DNAJC6: variants seen among roughly 807,000 people sequenced by gnomAD.
DNAJC6 encodes the protein DnaJ heat shock protein family (Hsp40) member C6.
In DNAJC6, 34 loss-of-function variants were observed where a neutral mutation model predicts 110.0. The observed-to-expected ratio is 0.31, with a 90% CI of 0.24 to 0.41. DNAJC6 has a LOEUF of 0.41. Among genes scored for constraint, DNAJC6 ranks in the 10% least tolerant of loss-of-function variants. DNAJC6 has a pLI of 1.00. For missense variants in DNAJC6, 1,031 were observed against 1,207.8 expected, an observed-to-expected ratio of 0.85 and a Z score of 2.17; for synonymous variants, 406 against 437.2, an observed-to-expected ratio of 0.93 and a Z score of 0.89.
At chr1:65,412,606 A>G (rs556898506) in intron 18 of DNAJC6, among the ~76,000 whole-genome samples, 2 of 152,320 alleles carry the variant, frequency 1.3e-5, no homozygotes, top group Admixed American at 6.5e-5. Context: ...AAAACAGTCA[A>G]TAGAGATGGG....
chr1:65,389,371 C>T lies in DNAJC6; in HGVS notation c.1309C>T (p.His437Tyr), dbSNP rs767476436. The change falls in exon 10 of 19, where the codon CAT (histidine) becomes TAT (tyrosine). Residue 437 changes from histidine to tyrosine, a missense_variant. Coordinates refer to ENST00000371069, the MANE Select transcript of DNAJC6 (RefSeq NM_001256864.2). ...KVIDLTPPWE[H>Y]YCTKDVNPSI... is the part of the protein sequence containing the mutation. ...AATAGACTTAACTCCACCATGGGAA[C>T]ATTACTGCACAAAAGATGTCAATCC... 1.9e-5 allele frequency: 30 copies of T among 1,614,066 alleles called. No individual in the cohort carries two copies. Among genetic ancestry groups the T allele is most frequent in the Non-Finnish European group, 2.4e-5 (28 of 1,180,042 alleles).
chr1:65,329,654 A>T (rs1645270085), intron 1 of DNAJC6, among the ~76,000 whole-genome samples: 1 of 152,132 alleles, frequency 6.6e-6, no homozygotes, highest in Non-Finnish European at 1.5e-5. Flanking sequence ...GTCTGTTACA[A>T]AGTTCACCTT....
At position 65,365,952 on chromosome 1, in the gene DNAJC6, A is replaced by G; in HGVS notation, c.394+18A>G. 1 of 1,613,480 alleles carries G rather than the reference A, an allele frequency of 6.2e-7. No individual in the cohort carries two copies. Among genetic ancestry groups the G allele is most frequent in the South Asian group, 1.1e-5 (1 of 90,978 alleles). Reference sequence around the variant, plus strand: ...AATTATTGGTAAGTTTCTCATGTTTATTAACAGTCCTTTGGCTCAGTTTCC... The same window carrying G: ...AATTATTGGTAAGTTTCTCATGTTTGTTAACAGTCCTTTGGCTCAGTTTCC... On this transcript the variant is annotated intron_variant, in intron 3 of 18. Coordinates refer to ENST00000371069, the MANE Select transcript of DNAJC6 (RefSeq NM_001256864.2).
At chr1:65,290,970 C>G (rs968679609) in intron 1 of DNAJC6, among the ~76,000 whole-genome samples, 1 of 152,162 alleles carries the variant, frequency 6.6e-6, no homozygotes, top group Non-Finnish European at 1.5e-5. Flanking sequence ...AAAAGTTCAG[C>G]AAAAACAATA....
At chr1:65,285,427 C>G (rs781770526) in intron 1 of DNAJC6, among the ~76,000 whole-genome samples, 3 of 152,160 alleles carry the variant, frequency 2.0e-5, no homozygotes, top group Admixed American at 6.5e-5. Context: ...GTCAAAGACC[C>G]TTTCCCACAG....
At chr1:65,303,523 G>A (rs971890951) in intron 1 of DNAJC6, among the ~76,000 whole-genome samples, 3 of 151,266 alleles carry the variant, frequency 2.0e-5, no homozygotes, top group African/African-American at 7.3e-5. Flanking sequence ...GGGCTTTAGT[G>A]TTTATTATGT....
chr1:65,364,442 T>C (rs574163000), intron 1 of DNAJC6, among the ~76,000 whole-genome samples, 193 bp from the exon 2 acceptor site: 1 of 152,120 alleles, frequency 6.6e-6, no homozygotes, highest in Admixed American at 6.6e-5. Context: ...GACCTGGGTC[T>C]CCCCTGAGGA....
chr1:65,276,309 A>C (rs1237313651), intron 1 of DNAJC6, among the ~76,000 whole-genome samples: 1 of 152,202 alleles, frequency 6.6e-6, no homozygotes, highest in African/African-American at 2.4e-5. Context: ...GAGTCTTTTT[A>C]TCTCTTCTGT....
intron 4 of DNAJC6, among the ~76,000 whole-genome samples, chr1:65,375,718 G>C (rs1645759648): frequency 6.6e-6 from 1 of 152,188 alleles, no homozygotes; most frequent in South Asian, 2.1e-4. Context: ...GAGCCACCAT[G>C]CCTGGCCATG....
intron 1 of DNAJC6, among the ~76,000 whole-genome samples, chr1:65,273,336 C>T (rs778172571): frequency 1.3e-5 from 2 of 152,268 alleles, no homozygotes; most frequent in African/African-American, 2.4e-5. Flanking sequence ...TGGTGGCTCA[C>T]GCCTGTAATC....
chr1:65,313,623 C>A (rs1221399934), intron 1 of DNAJC6, among the ~76,000 whole-genome samples: 1 of 152,154 alleles, frequency 6.6e-6, no homozygotes, highest in Non-Finnish European at 1.5e-5. Flanking sequence ...TGGGTAGACA[C>A]AATATCAACT....
intron 1 of DNAJC6, among the ~76,000 whole-genome samples, chr1:65,331,348 A>C (rs1645287121): frequency 6.6e-6 from 1 of 152,216 alleles, no homozygotes; most frequent in Non-Finnish European, 1.5e-5. Flanking sequence ...CACAATGATA[A>C]AAATACCTGC....
intron 1 of DNAJC6, among the ~76,000 whole-genome samples, chr1:65,331,988 G>C (rs1297398599): frequency 6.6e-6 from 1 of 152,054 alleles, no homozygotes; most frequent in African/African-American, 2.4e-5. Flanking sequence ...ACTCTGGGGG[G>C]GCCTGGACTT....
chr1:65,287,135 AG>A (rs1213435583), intron 1 of DNAJC6, among the ~76,000 whole-genome samples: 3 of 152,234 alleles, frequency 2.0e-5, no homozygotes, highest in Admixed American at 2.0e-4. Context: ...AGTGAATGAA[AG>A]AATAGGGTAG....
chr1:65,346,645 G>T (rs957521809), intron 1 of DNAJC6, among the ~76,000 whole-genome samples: 4 of 151,958 alleles, frequency 2.6e-5, no homozygotes, highest in Non-Finnish European at 2.9e-5. Flanking sequence ...ATCTGCTTAG[G>T]GGAGACTGTA....
intron 1 of DNAJC6, among the ~76,000 whole-genome samples, chr1:65,359,610 CT>C (rs1215890046): frequency 6.6e-6 from 1 of 152,202 alleles, no homozygotes; most frequent in African/African-American, 2.4e-5. Flanking sequence ...GCAGAGTGTT[CT>C]TTCCACTGGG....
intron 6 of DNAJC6, 142 bp downstream of exon 6, chr1:65,384,468 C>T (rs1228284856): frequency 3.8e-6 from 3 of 787,474 alleles, no homozygotes; most frequent in Non-Finnish European, 5.2e-6. Flanking sequence ...CTATGAAGAA[C>T]TACTTGAGAC....
At chr1:65,284,998 T>C (rs1653969920) in intron 1 of DNAJC6, among the ~76,000 whole-genome samples, 1 of 152,150 alleles carries the variant, frequency 6.6e-6, no homozygotes, top group African/African-American at 2.4e-5. Context: ...GACTCACTGG[T>C]TTTAACTCTG....
chr1:65,342,654 C>G (rs1045450734), intron 1 of DNAJC6, among the ~76,000 whole-genome samples: 13 of 152,180 alleles, frequency 8.5e-5, no homozygotes, highest in African/African-American at 2.9e-4. Context: ...TCAAACTTAC[C>G]TGGCAACATA....
Sources: gnomAD v4.1 joint callset for allele counts (sites outside exome capture counted in the v4.1 genomes callset) on GRCh38, gnomAD v4.1.1 for gene constraint, MANE v1.5 for transcripts, NCBI Gene and HGNC (gene_info 2026-07-23, HGNC 2026-07-21) for gene names.